The following NRG1 variants were observed in gnomAD, a reference collection of about 807,000 sequenced individuals.
NRG1 encodes the protein pro-neuregulin-1, membrane-bound isoform.
In NRG1, 18 loss-of-function variants were observed where a neutral mutation model predicts 63.8. That is an observed-to-expected ratio of 0.28 (90% confidence interval 0.19 to 0.42). The LOEUF is 0.42. NRG1 is among the 10% of genes least tolerant of loss of function. The pLI, the probability that NRG1 is intolerant of heterozygous loss-of-function variation, is 1.00. For missense variants in NRG1, 762 were observed against 814.7 expected (o/e 0.94, Z 0.79); for synonymous variants, 302 against 301.3 (o/e 1.00, Z -0.02).
chr8:32,654,348 G>A (rs972714802), intron 5 of NRG1, among the ~76,000 whole-genome samples: 1 of 152,078 alleles, frequency 6.6e-6, no homozygotes, highest in African/African-American at 2.4e-5. Context: ...GAGAATTTTG[G>A]CCAGGTGCGG....
chr8:32,374,581 A>C (rs1306997267), intron 1 of NRG1, among the ~76,000 whole-genome samples: 1 of 152,176 alleles, frequency 6.6e-6, no homozygotes, highest in Non-Finnish European at 1.5e-5. Flanking sequence ...TCCTTTGGAA[A>C]ACAGAGCAAA....
intron 1 of NRG1, among the ~76,000 whole-genome samples, chr8:31,969,878 G>T (rs1392994695): frequency 6.6e-6 from 1 of 152,154 alleles, no homozygotes; most frequent in Non-Finnish European, 1.5e-5. Flanking sequence ...ACAAAGATCA[G>T]TCAGACAAAA....
At chr8:32,470,932 G>A (rs1173850048) in intron 1 of NRG1, among the ~76,000 whole-genome samples, 1 of 151,896 alleles carries the variant, frequency 6.6e-6, no homozygotes, top group African/African-American at 2.4e-5. Flanking sequence ...TGAGCAGCTG[G>A]GACTATAGGC....
chr8:31,691,557 T>C (rs2131130115), intron 1 of NRG1, among the ~76,000 whole-genome samples: 1 of 113,994 alleles, frequency 8.8e-6, no homozygotes. Context: ...ATTGTGCCAC[T>C]GCACTCCAGC....
intron 1 of NRG1, among the ~76,000 whole-genome samples, chr8:31,874,927 C>T (rs986696506): frequency 5.3e-5 from 8 of 152,186 alleles, no homozygotes; most frequent in African/African-American, 1.7e-4. Flanking sequence ...TCTTTAAAAT[C>T]ATATTTGCCC....
intron 1 of NRG1, among the ~76,000 whole-genome samples, chr8:32,445,071 C>T (rs1820073195): frequency 6.6e-6 from 1 of 152,172 alleles, no homozygotes; most frequent in South Asian, 2.1e-4. Flanking sequence ...GAGGGCGATA[C>T]ACTATAGTTG....
rs564769886 is a variant in NRG1 at position 31,704,913 on chromosome 8, A to G, written c.37+65482A>G. 7.6e-4 allele frequency among the ~76,000 whole-genome samples: 116 copies of G among 152,268 alleles called. 1 individual carries two copies. The highest frequency in any genetic ancestry group is 2.6e-3 in the African/African-American group (109 of 41,550). On this transcript the variant is annotated intron_variant, in intron 1 of 10. Coordinates refer to the NRG1 transcript ENST00000519301. Reference sequence around the variant, plus strand: ...CTGGTGACTTTTCTTTAACTCACCAAAAGTAGATACATACATATTTCTAAT... The same window carrying G: ...CTGGTGACTTTTCTTTAACTCACCAGAAGTAGATACATACATATTTCTAAT...
At chr8:32,201,422 A>C (rs1198232679) in intron 1 of NRG1, among the ~76,000 whole-genome samples, 2 of 152,234 alleles carry the variant, frequency 1.3e-5, no homozygotes, top group Non-Finnish European at 2.9e-5. Context: ...ATATGAAATC[A>C]TTTAAAGCAG....
At chr8:32,285,727 T>C (rs1853440582) in intron 1 of NRG1, among the ~76,000 whole-genome samples, 1 of 152,204 alleles carries the variant, frequency 6.6e-6, no homozygotes, top group Non-Finnish European at 1.5e-5. Flanking sequence ...CTCTAGGTGA[T>C]GTTTTTATTA....
At position 32,596,019 on chromosome 8, in the gene NRG1, A is replaced by G; in HGVS notation, c.278+14A>G. The G allele has an allele frequency of 1.2e-6, 2 of 1,603,538 alleles. No individual in the cohort carries two copies. The highest frequency in any genetic ancestry group is 1.3e-5 in the African/African-American group (1 of 74,530). Reference sequence around the variant, plus strand: ...AAAAAAGCCAGGGTAAGTATAATGCATAAAATAGTAGAGACTGCCCCCAGC... The same window carrying G: ...AAAAAAGCCAGGGTAAGTATAATGCGTAAAATAGTAGAGACTGCCCCCAGC... On this transcript the variant is annotated intron_variant, in intron 2 of 11. Transcript: ENST00000356819.
intron 5 of NRG1, among the ~76,000 whole-genome samples, chr8:32,619,478 G>A (rs1348572230): frequency 6.6e-6 from 1 of 152,170 alleles, no homozygotes; most frequent in Non-Finnish European, 1.5e-5. Flanking sequence ...TGGCTCCTGT[G>A]TGAAGAATGG....
At chr8:32,070,269 A>G (rs1825557046) in intron 1 of NRG1, among the ~76,000 whole-genome samples, 1 of 152,172 alleles carries the variant, frequency 6.6e-6, no homozygotes, top group African/African-American at 2.4e-5. Context: ...ACTGGATTCT[A>G]CTAATTTCCA....
chr8:31,911,594 G>A (rs1832949075), intron 1 of NRG1, among the ~76,000 whole-genome samples: 2 of 152,134 alleles, frequency 1.3e-5, no homozygotes, highest in African/African-American at 4.8e-5. Context: ...GATGGAGGAG[G>A]GAGAGAATCA....
At chr8:32,251,773 T>C (rs561249556) in intron 1 of NRG1, among the ~76,000 whole-genome samples, 1 of 152,312 alleles carries the variant, frequency 6.6e-6, no homozygotes, top group South Asian at 2.1e-4. Flanking sequence ...TATCTCATTG[T>C]GGTTTTGAGT....
At chr8:31,989,786 G>A (rs569850705) in intron 1 of NRG1, among the ~76,000 whole-genome samples, 13 of 152,160 alleles carry the variant, frequency 8.5e-5, no homozygotes, top group African/African-American at 2.6e-4. Context: ...ATTCCAGGAC[G>A]TGCCAATGAA....
chr8:32,289,636 A>C (rs1297362359), intron 1 of NRG1, among the ~76,000 whole-genome samples: 1 of 152,220 alleles, frequency 6.6e-6, no homozygotes, highest in Non-Finnish European at 1.5e-5. Flanking sequence ...TTTCAAATGT[A>C]GTTAAACATT....
intron 5 of NRG1, among the ~76,000 whole-genome samples, chr8:32,621,076 C>T (rs1848255450): frequency 6.6e-6 from 1 of 151,884 alleles, no homozygotes; most frequent in Non-Finnish European, 1.5e-5. Flanking sequence ...GTTTATTTTT[C>T]CTACCACTTG....
chr8:32,725,464 A>ATTTTTTTTTTTTT lies in NRG1; in HGVS notation c.503-2468_503-2456dup, dbSNP rs71209904. Among the ~76,000 whole-genome samples the ATTTTTTTTTTTTT allele has an allele frequency of 6.8e-4, 46 of 67,590 alleles. 3 individuals carry two copies. The East Asian group carries it at 9.5e-3, about 14-fold the overall frequency. 44.3% of individuals were successfully genotyped at this position (67,590 alleles called of 152,430 possible). ...TTTAACATTCGAGGCAAACTTCCTA[A>ATTTTTTTTTTTTT]TTTTTTTTTTTTTTTTTTTTTTTTT... On this transcript the variant is annotated intron_variant, in intron 5 of 11. Transcript: ENST00000356819.
At chr8:32,027,450 T>C (rs1229512160) in intron 1 of NRG1, among the ~76,000 whole-genome samples, 15 of 121,610 alleles carry the variant, frequency 1.2e-4, no homozygotes, top group African/African-American at 6.6e-4. Flanking sequence ...CCTTCCTTCC[T>C]TCCTTCCTTC....
Sources: gnomAD v4.1 joint callset for allele counts (sites outside exome capture counted in the v4.1 genomes callset) on GRCh38, gnomAD v4.1.1 for gene constraint, MANE v1.5 for transcripts, NCBI Gene and HGNC (gene_info 2026-07-23, HGNC 2026-07-21) for gene names.